MGAT5: variants seen among roughly 807,000 people sequenced by gnomAD.
The protein encoded by MGAT5 is alpha-1,6-mannosylglycoprotein 6-beta-N-acetylglucosaminyltransferase A.
In MGAT5, 30 loss-of-function variants were observed where a neutral mutation model predicts 94.3. The observed-to-expected ratio is 0.32, with a 90% CI of 0.24 to 0.43. The LOEUF (loss-of-function observed/expected upper bound fraction) is 0.43, where lower values mean the gene tolerates loss of function less well. Among genes scored for constraint, MGAT5 ranks in the 20% least tolerant of loss-of-function variants. MGAT5 has a pLI of 1.00. For synonymous variants in MGAT5, 310 were observed against 322.9 expected, an observed-to-expected ratio of 0.96 and a Z score of 0.43; for missense variants, 691 against 905.5, an observed-to-expected ratio of 0.76 and a Z score of 3.04.
intron 4 of MGAT5, among the ~76,000 whole-genome samples, chr2:134,326,862 G>C (rs1385905563): frequency 6.6e-6 from 1 of 152,110 alleles, no homozygotes; most frequent in Non-Finnish European, 1.5e-5. Context: ...CATATTTGAA[G>C]AAAGTGAGGG....
intron 7 of MGAT5, among the ~76,000 whole-genome samples, chr2:134,343,809 C>G (rs1688766382): frequency 6.6e-6 from 1 of 152,132 alleles, no homozygotes. Context: ...ACAGCCATGC[C>G]TATTGTTTAC....
At chr2:134,350,918 C>T (rs897809399) in intron 9 of MGAT5, among the ~76,000 whole-genome samples, 2 of 152,098 alleles carry the variant, frequency 1.3e-5, no homozygotes, top group Non-Finnish European at 2.9e-5. Context: ...AAACAAGACC[C>T]AAAAGACCCC....
chr2:134,342,490 A>G (rs139537345), intron 7 of MGAT5, among the ~76,000 whole-genome samples: 1 of 152,232 alleles, frequency 6.6e-6, no homozygotes. Flanking sequence ...AAAACAATAT[A>G]TGGTGGCTCC....
At chr2:134,433,346 G>A (rs79510461) in intron 14 of MGAT5, among the ~76,000 whole-genome samples, 2 of 152,338 alleles carry the variant, frequency 1.3e-5, no homozygotes, top group African/African-American at 4.8e-5. Flanking sequence ...AGGTGCTGTT[G>A]TGAACATTCA....
At chr2:134,363,535 GC>G (rs1680234434) in intron 10 of MGAT5, among the ~76,000 whole-genome samples, 1 of 152,168 alleles carries the variant, frequency 6.6e-6, no homozygotes, top group Non-Finnish European at 1.5e-5. Flanking sequence ...ATTCCCCTCT[GC>G]CCAGGGAACA....
At chr2:134,393,991 A>T (rs1682562474) in intron 10 of MGAT5, among the ~76,000 whole-genome samples, 1 of 152,136 alleles carries the variant, frequency 6.6e-6, no homozygotes, top group Non-Finnish European at 1.5e-5. Flanking sequence ...GGCTGGCAGG[A>T]AGGTAAGGCC....
intron 14 of MGAT5, among the ~76,000 whole-genome samples, chr2:134,439,035 T>G (rs928100470): frequency 6.6e-6 from 1 of 152,078 alleles, no homozygotes; most frequent in African/African-American, 2.4e-5. Flanking sequence ...TAGGAACACA[T>G]GAGTGGAGGG....
chr2:134,279,751 T>C lies in MGAT5; in HGVS notation c.406+9201T>C, dbSNP rs560321098. 5.3e-5 allele frequency among the ~76,000 whole-genome samples: 8 copies of C among 152,348 alleles called. No homozygotes were observed. The East Asian group carries it at 1.5e-3, about 29-fold the overall frequency. On this transcript the variant is annotated intron_variant, in intron 2 of 15. Coordinates refer to ENST00000281923, the MANE Select transcript of MGAT5 (RefSeq NM_002410.5). ...GGTGACAGATCCCACTTGCTTAATT[T>C]GGCTTAATGAGGTATGTGTATACAG...
intron 1 of MGAT5, among the ~76,000 whole-genome samples, chr2:134,191,992 T>C (rs1573831543): frequency 6.8e-6 from 1 of 146,782 alleles, no homozygotes; most frequent in Non-Finnish European, 1.5e-5. Context: ...GATGGTAGGG[T>C]GGGTTCGCGC....
intron 1 of MGAT5, among the ~76,000 whole-genome samples, chr2:134,137,364 C>T (rs1686457459): frequency 1.3e-5 from 2 of 152,166 alleles, no homozygotes; most frequent in Admixed American, 1.3e-4. Flanking sequence ...CTCAGTGAGT[C>T]CAGCCCAGAG....
intron 4 of MGAT5, among the ~76,000 whole-genome samples, chr2:134,329,062 G>A (rs1687801517): frequency 6.6e-6 from 1 of 151,768 alleles, no homozygotes; most frequent in South Asian, 2.1e-4. Flanking sequence ...CGCTGTGTGG[G>A]ACATACTTAT....
At chr2:134,443,487 C>T (rs1297105459) in intron 15 of MGAT5, among the ~76,000 whole-genome samples, 4 of 152,176 alleles carry the variant, frequency 2.6e-5, no homozygotes, top group South Asian at 2.1e-4. Flanking sequence ...CCATCGTGCC[C>T]GGCCCTGGTG....
chr2:134,330,584 T>TGTGTGTGTGTGTGTG (rs1553447778), intron 4 of MGAT5, among the ~76,000 whole-genome samples: 29 of 151,672 alleles, frequency 1.9e-4, no homozygotes, highest in Middle Eastern at 3.4e-3. Context: ...TGTGTGTGTG[T>TGTGTGTGTGTGTGTG]TACGAAGCCC....
intron 2 of MGAT5, among the ~76,000 whole-genome samples, chr2:134,291,392 C>T (rs189634316): frequency 4.6e-5 from 7 of 152,284 alleles, no homozygotes; most frequent in East Asian, 1.9e-4. Flanking sequence ...TCACCAGACA[C>T]GGAATCTTCC....
intron 1 of MGAT5, among the ~76,000 whole-genome samples, chr2:134,195,711 A>G (rs185273873): frequency 6.6e-6 from 1 of 152,314 alleles, no homozygotes; most frequent in African/African-American, 2.4e-5. Flanking sequence ...TTTAACGTCT[A>G]TAATCTTTTC....
chr2:134,312,238 C>CA (rs1179781098), intron 2 of MGAT5, among the ~76,000 whole-genome samples: 1 of 151,994 alleles, frequency 6.6e-6, no homozygotes, highest in Non-Finnish European at 1.5e-5. Flanking sequence ...TGTCTCAAAA[C>CA]AAAAAACAAA....
At position 134,256,969 on chromosome 2, in the gene MGAT5, A is replaced by G. The variant is rs372346820; in HGVS notation, c.241+2325A>G. On this transcript the variant is annotated intron_variant, in intron 1 of 15. Coordinates refer to ENST00000281923, the MANE Select transcript of MGAT5 (RefSeq NM_002410.5). Reference sequence around the variant, plus strand: ...GGGGGTTATCACATGGTGAGATCCTACTAAGACAGTGTCTCATTTGGTGCT... The same window carrying G: ...GGGGGTTATCACATGGTGAGATCCTGCTAAGACAGTGTCTCATTTGGTGCT... 1.6e-3 allele frequency among the ~76,000 whole-genome samples: 239 copies of G among 152,268 alleles called. 1 individual carries two copies. The highest frequency in any genetic ancestry group is 5.6e-3 in the African/African-American group (234 of 41,540).
At chr2:134,145,046 A>G (rs1371078586) in intron 1 of MGAT5, among the ~76,000 whole-genome samples, 3 of 152,176 alleles carry the variant, frequency 2.0e-5, no homozygotes, top group African/African-American at 4.8e-5. Context: ...ATCCTCACCA[A>G]TGTCTCCATT....
At position 134,332,242 on chromosome 2, in the gene MGAT5, C is replaced by A. The variant is rs545953554; in HGVS notation, c.574-3975C>A. Among the ~76,000 whole-genome samples, 735 of 151,968 alleles carry A rather than the reference C, an allele frequency of 4.8e-3. 7 individuals are homozygous for A. Among genetic ancestry groups the A allele is most frequent in the African/African-American group, 0.016 (667 of 41,396 alleles). On this transcript the variant is annotated intron_variant, in intron 4 of 15. Transcript: ENST00000281923. ...ATGGTACTGGTACCAAAACAGAGAT[C>A]TAGATCAATGGAACAGAACAGAGCC...
Sources: gnomAD v4.1 joint callset for allele counts (sites outside exome capture counted in the v4.1 genomes callset) on GRCh38, gnomAD v4.1.1 for gene constraint, MANE v1.5 for transcripts, NCBI Gene and HGNC (gene_info 2026-07-23, HGNC 2026-07-21) for gene names.